PCDHA2: variants seen among roughly 807,000 people sequenced by gnomAD.
The protein encoded by PCDHA2 is protocadherin alpha 2, also known as protocadherin alpha-2.
Under a neutral mutation model 66.0 loss-of-function variants are expected in PCDHA2, and 58 were observed. The observed-to-expected ratio is 0.88, with a 90% CI of 0.71 to 1.09. The LOEUF (loss-of-function observed/expected upper bound fraction) is 1.09. Among genes scored for constraint, PCDHA2 ranks in the 50% least tolerant of loss-of-function variants. The pLI, the probability that PCDHA2 is intolerant of heterozygous loss-of-function variation, is 0.00. For missense variants in PCDHA2, 1,267 were observed against 1,242.3 expected, an observed-to-expected ratio of 1.02 and a Z score of -0.30; for synonymous variants, 634 against 554.0, an observed-to-expected ratio of 1.14 and a Z score of -2.03.
chr5:140,882,930 A>C, intron 1 of PCDHA2: 8 of 1,614,214 alleles, frequency 5.0e-6, no homozygotes, highest in Non-Finnish European at 6.8e-6. Context: ...GGTAAACCCG[A>C]GCTGACTGGC....
intron 1 of PCDHA2, chr5:140,814,561 GTAT>G (rs1554126547): frequency 6.6e-6 from 1 of 151,692 alleles, no homozygotes; most frequent in Non-Finnish European, 1.5e-5. Flanking sequence ...TCTGTATCAA[GTAT>G]TATGTACTGT....
At position 140,883,117 on chromosome 5, in the gene PCDHA2, G is replaced by T. The variant is rs782191143; in HGVS notation, c.2388+85765G>T. Reference sequence around the variant, plus strand: ...GAGATATAGTTTACTCATTTAGAAGGCCTGTATGGCCTGCAGTGGTATATG... The same window carrying T: ...GAGATATAGTTTACTCATTTAGAAGTCCTGTATGGCCTGCAGTGGTATATG... On this transcript the variant is annotated intron_variant, in intron 1 of 3. Transcript: ENST00000526136. 2.5e-6 allele frequency: 4 copies of T among 1,613,898 alleles called. No homozygotes were observed. Among genetic ancestry groups the T allele is most frequent in the Admixed American group, 3.3e-5 (2 of 59,964 alleles).
chr5:140,975,763 C>A (rs2096681691), intron 1 of PCDHA2, among the ~76,000 whole-genome samples: 1 of 152,140 alleles, frequency 6.6e-6, no homozygotes, highest in Non-Finnish European at 1.5e-5. Context: ...TGTCATAAAT[C>A]ACAGATAATA....
At chr5:140,965,880 A>G (rs1414604415) in intron 1 of PCDHA2, among the ~76,000 whole-genome samples, 1 of 152,190 alleles carries the variant, frequency 6.6e-6, no homozygotes, top group Non-Finnish European at 1.5e-5. Context: ...CTTGGCCGAG[A>G]GCAGAATTGA....
At chr5:140,801,103 C>T in intron 1 of PCDHA2, 2 of 1,505,556 alleles carry the variant, frequency 1.3e-6, no homozygotes, top group Non-Finnish European at 1.8e-6. Context: ...TAAAATTTAA[C>T]ACCGAGGAGT....
chr5:140,871,056 G>A (rs1554165039), intron 1 of PCDHA2: 1 of 1,613,234 alleles, frequency 6.2e-7, no homozygotes, highest in African/African-American at 1.3e-5. Context: ...TACTGGTGAA[G>A]GATCACGGTG....
intron 1 of PCDHA2, chr5:140,801,838 CA>C (rs1762797239): frequency 1.2e-6 from 2 of 1,613,866 alleles, no homozygotes. Context: ...CTAATAACAG[CA>C]ATTGATGGTG....
intron 1 of PCDHA2, chr5:140,969,402 T>C: frequency 6.3e-7 from 1 of 1,579,638 alleles, no homozygotes; most frequent in Non-Finnish European, 8.6e-7. Flanking sequence ...TCCTGTGATT[T>C]GGCTTTATTG....
chr5:140,971,529 T>G (rs782358590), intron 1 of PCDHA2, among the ~76,000 whole-genome samples: 1 of 152,176 alleles, frequency 6.6e-6, no homozygotes, highest in East Asian at 1.9e-4. Flanking sequence ...GTTCTGAAAG[T>G]CATCATTGCC....
intron 3 of PCDHA2, among the ~76,000 whole-genome samples, chr5:140,995,853 A>G (rs934469128): frequency 4.6e-5 from 7 of 152,220 alleles, no homozygotes. Context: ...TTTCTATCGT[A>G]TCACTTAATA....
At chr5:140,927,097 G>A in intron 1 of PCDHA2, 1 of 1,613,358 alleles carries the variant, frequency 6.2e-7, no homozygotes, top group Non-Finnish European at 8.5e-7. Context: ...CTTCGGGGTG[G>A]ATCTACCCAG....
At chr5:140,966,756 G>A (rs1476318654) in intron 1 of PCDHA2, 9 of 1,437,232 alleles carry the variant, frequency 6.3e-6, no homozygotes, top group Non-Finnish European at 8.2e-6. Flanking sequence ...CCTCCGCCGC[G>A]GCCAGTGGCT....
At chr5:140,875,373 A>G in intron 1 of PCDHA2, 7 of 1,454,810 alleles carry the variant, frequency 4.8e-6, no homozygotes, top group Non-Finnish European at 6.3e-6. Flanking sequence ...AAAATTTACT[A>G]AATATGTACT....
At chr5:140,839,918 C>T (rs1234582853) in intron 1 of PCDHA2, among the ~76,000 whole-genome samples, 1 of 151,872 alleles carries the variant, frequency 6.6e-6, no homozygotes, top group South Asian at 2.1e-4. Flanking sequence ...GAAGAAAAAC[C>T]TTGAACAAAG....
Position 140,967,000 on chromosome 5 carries a change from C to T in PCDHA2, c.2389-11949C>T, listed in dbSNP as rs544624379. The T allele has an allele frequency of 6.1e-5, 98 of 1,604,962 alleles. No individual in the cohort carries two copies. The East Asian group carries it at 2.1e-3, about 35-fold the overall frequency. ...GGCGCTTGGGGCCGGGTTGCTTGCG[C>T]ATCAACCATCTGGGTGCGCCCAGTC... On this transcript the variant is annotated intron_variant, in intron 1 of 3. Coordinates refer to ENST00000526136, the MANE Select transcript of PCDHA2 (RefSeq NM_018905.3).
chr5:140,875,889 G>C, intron 1 of PCDHA2: 1 of 1,614,174 alleles, frequency 6.2e-7, no homozygotes, highest in South Asian at 1.1e-5. Context: ...GGGAACAAAA[G>C]GTACCTGTTT....
intron 1 of PCDHA2, among the ~76,000 whole-genome samples, chr5:140,936,341 A>G (rs954946684): frequency 7.2e-5 from 11 of 152,172 alleles, no homozygotes; most frequent in African/African-American, 2.7e-4. Flanking sequence ...CTCTATCTGC[A>G]TATATGGAAT....
intron 3 of PCDHA2, among the ~76,000 whole-genome samples, chr5:140,991,357 T>G (rs1409351374): frequency 2.6e-5 from 4 of 152,258 alleles, no homozygotes; most frequent in African/African-American, 9.6e-5. Flanking sequence ...AAAGACTATT[T>G]ACTGTCTGAG....
intron 1 of PCDHA2, chr5:140,968,789 G>T (rs782339889): frequency 1.9e-6 from 3 of 1,614,180 alleles, no homozygotes; most frequent in South Asian, 1.1e-5. Flanking sequence ...AGCCTCTGTG[G>T]CCATTACAGT....
Sources: allele counts gnomAD v4.1 joint callset (sites outside exome capture counted in the v4.1 genomes callset), GRCh38; gene constraint gnomAD v4.1.1; transcripts MANE v1.5; gene names NCBI Gene and HGNC (gene_info 2026-07-23, HGNC 2026-07-21).